ALDH4A1: variants seen among roughly 807,000 people sequenced by gnomAD.
ALDH4A1 encodes aldehyde dehydrogenase 4 family member A1, also known as delta-1-pyrroline-5-carboxylate dehydrogenase, mitochondrial.
In ALDH4A1, 46 loss-of-function variants were observed where a neutral mutation model predicts 70.5. That is an observed-to-expected ratio of 0.65 (90% confidence interval 0.51 to 0.83). ALDH4A1 has a LOEUF of 0.83. Among genes scored for constraint, ALDH4A1 ranks in the 40% least tolerant of loss-of-function variants. The pLI, the probability that ALDH4A1 is intolerant of heterozygous loss-of-function variation, is 0.00. For synonymous variants in ALDH4A1, 323 were observed against 324.3 expected, an observed-to-expected ratio of 1.00 and a Z score of 0.04; for missense variants, 749 against 766.5, an observed-to-expected ratio of 0.98 and a Z score of 0.27.
rs779536510 is a variant in ALDH4A1, at chr1:18,874,481, C to CA, written c.1560dup (p.Gly521TrpfsTer10). The CA allele has an allele frequency of 1.9e-5, 31 of 1,613,968 alleles. No homozygotes were observed. Among genetic ancestry groups the CA allele is most frequent in the Non-Finnish European group, 2.4e-5 (28 of 1,180,028 alleles). On this transcript the variant is annotated frameshift_variant, in exon 14 of 15. Coordinates refer to ENST00000375341, the MANE Select transcript of ALDH4A1 (RefSeq NM_003748.4). LOFTEE classifies it high-confidence loss of function. ...CACTCACCAGAGGCTCGGGCCCCCC[C>CA]AAAGGGCTGCTGGCCCACTATCGAG... is the stretch of plus-strand genomic sequence containing the variant.
At position 18,877,188 on chromosome 1, in the gene ALDH4A1, G is replaced by A. The variant is rs777725664; in HGVS notation, c.1185+20C>T. On this transcript the variant is annotated intron_variant, in intron 11 of 14. Coordinates refer to ENST00000375341, the MANE Select transcript of ALDH4A1 (RefSeq NM_003748.4). ...CCAGGGCTTGCCCCCACCCAGGAAC[G>A]CCCACTTCCCACCCCGTACCTTGGC... The A allele has an allele frequency of 1.7e-5, 28 of 1,605,206 alleles. No individual in the cohort carries two copies. The highest frequency in any genetic ancestry group is 1.6e-4 in the Middle Eastern group (1 of 6,080).
In ALDH4A1 at chr1:18,881,779, G is replaced by C. The variant is rs759943005; in HGVS notation, c.787C>G (p.Pro263Ala). Reference sequence around the variant, plus strand: ...TCCCCAAATAGGGGCCCATCAGCTGGCACAAACTGGATGATGTTGGGGGGC... The same window carrying C: ...TCCCCAAATAGGGGCCCATCAGCTGCCACAAACTGGATGATGTTGGGGGGC... ...GLPPNIIQFV[P>A]ADGPLFGDTV... Residue 263 changes from proline to alanine, a missense_variant, in exon 8 of 15, where the codon CCA (proline) becomes GCA (alanine). Pro to Ala is a conservative substitution (Grantham distance 27). Transcript: ENST00000375341. 6.2e-7 allele frequency: 1 copy of C among 1,614,040 alleles called. No individual in the cohort carries two copies. The highest frequency in any genetic ancestry group is 1.1e-5 in the South Asian group (1 of 91,080).
intron 1 of ALDH4A1, among the ~76,000 whole-genome samples, chr1:18,892,031 G>GA (rs368286664): frequency 0.062 from 8,882 of 143,552 alleles, 415 homozygotes; most frequent in African/African-American, 0.13. Context: ...CCATCTCAAG[G>GA]AAAAAAAAAA....
rs1205647008 is a variant in ALDH4A1, at chr1:18,883,310, C to G, written c.572G>C (p.Ser191Thr). The G allele has an allele frequency of 9.3e-6, 15 of 1,613,186 alleles. No individual in the cohort carries two copies. Among genetic ancestry groups the G allele is most frequent in the African/African-American group, 1.3e-5 (1 of 74,958 alleles). ...ACCCCGGTACACCGTGCTGTTGGTGCTCGGGGGCACGCTGATGGGCTGCTG... is the reference window on the plus strand; with the variant it reads ...ACCCCGGTACACCGTGCTGTTGGTGGTCGGGGGCACGCTGATGGGCTGCTG... ...EGQQPISVPP[S>T]TNSTVYRGLE... Residue 191 changes from serine to threonine, a missense_variant, in exon 6 of 15, where the codon AGC becomes ACC. By Grantham distance (58) the Ser-to-Thr change is moderately conservative (BLOSUM62 1). Coordinates refer to ENST00000375341, the MANE Select transcript of ALDH4A1 (RefSeq NM_003748.4).
At chr1:18,900,780 G>T (rs1935772579) in intron 1 of ALDH4A1, 2 of 870,098 alleles carry the variant, frequency 2.3e-6, no homozygotes, top group Non-Finnish European at 2.8e-6. Flanking sequence ...ATAATTCAGA[G>T]CATAAATCTG....
Position 18,885,456 on chromosome 1 carries a change from G to GCCC in ALDH4A1, c.453+14_453+16dup. Reference sequence around the variant, plus strand: ...ACCCCACCCCGCCCCACCCACCCGGGCCCACCAGCACCTCACCTGTCCCAC... The same window carrying GCCC: ...ACCCCACCCCGCCCCACCCACCCGGGCCCCCCACCAGCACCTCACCTGTCCCAC... On this transcript the variant is annotated intron_variant, in intron 5 of 14. Transcript: ENST00000375341. The GCCC allele has an allele frequency of 1.8e-6, 1 of 541,844 alleles. No individual in the cohort carries two copies. The highest frequency in any genetic ancestry group is 3.1e-6 in the Non-Finnish European group (1 of 324,000). The allele number at this position is 541,844 out of a possible 1,614,324, so 33.6% of individuals were successfully genotyped here. A position where few individuals can be genotyped will look rare whatever the true frequency, so the allele number is the denominator to read the frequency against.
At chr1:18,899,227 C>T (rs1235879137) in intron 1 of ALDH4A1, among the ~76,000 whole-genome samples, 1 of 152,216 alleles carries the variant, frequency 6.6e-6, no homozygotes. Context: ...CAAGCTGTGC[C>T]CATCCAAGGG....
intron 5 of ALDH4A1, chr1:18,885,241 A>G: frequency 1.7e-6 from 1 of 583,868 alleles, no homozygotes; most frequent in Non-Finnish European, 3.1e-6. Flanking sequence ...AGAGGGATGG[A>G]GGAGAGGGGA....
intron 1 of ALDH4A1, among the ~76,000 whole-genome samples, chr1:18,901,585 G>A (rs964323637): frequency 2.6e-5 from 4 of 152,198 alleles, no homozygotes; most frequent in Admixed American, 6.5e-5. Flanking sequence ...AAGGGTCCAG[G>A]CACCTGGCTC....
chr1:18,887,533 A>C (rs568215564), intron 3 of ALDH4A1, among the ~76,000 whole-genome samples: 18 of 152,240 alleles, frequency 1.2e-4, no homozygotes, highest in African/African-American at 4.1e-4. Flanking sequence ...TGGGAGGCGG[A>C]GCTTGCAGTG....
rs1934469303 is a variant in ALDH4A1 at position 18,872,207 on chromosome 1, G to C, written c.*638C>G. On this transcript the variant is annotated 3_prime_UTR_variant, in exon 15 of 15. Transcript: ENST00000375341. ...CAGCGGCCCCCCAACCCCGCCATGT[G>C]GTGCAGACCGGGAATCACACAGGCC... 1 of 152,604 alleles carries C rather than the reference G, an allele frequency of 6.6e-6. No homozygotes were observed. The highest frequency in any genetic ancestry group is 2.1e-4 in the South Asian group (1 of 4,832). 9.5% of individuals were successfully genotyped at this position (152,604 alleles called of 1,614,324 possible). A position where few individuals can be genotyped will look rare whatever the true frequency, so the allele number is the denominator to read the frequency against.
chr1:18,895,011 C>G (rs757485054), intron 1 of ALDH4A1, among the ~76,000 whole-genome samples: 1 of 152,178 alleles, frequency 6.6e-6, no homozygotes, highest in East Asian at 1.9e-4. Context: ...CTTGGCAGGA[C>G]AGCATTCCTC....
chr1:18,875,123 AT>A (rs1934617689), intron 13 of ALDH4A1, among the ~76,000 whole-genome samples: 1 of 152,160 alleles, frequency 6.6e-6, no homozygotes, highest in Non-Finnish European at 1.5e-5. Context: ...GAAGACACCA[AT>A]TCCTAGCCCT....
intron 1 of ALDH4A1, among the ~76,000 whole-genome samples, chr1:18,897,560 A>G (rs908169636): frequency 6.6e-6 from 1 of 152,160 alleles, no homozygotes; most frequent in South Asian, 2.1e-4. Flanking sequence ...CAAAAACCCA[A>G]AAAACGAAAC....
chr1:18,885,427 T>TGCCACCCCCCCCCCCCCCCCCCCCCC, intron 5 of ALDH4A1, 46 bp downstream of exon 5: 4 of 650,922 alleles, frequency 6.1e-6, no homozygotes, highest in East Asian at 3.2e-5. Flanking sequence ...CACACCTGAC[T>TGCCACCCCCCCCCCCCCCCCCCCCCC]CCCACCCCAC....
At position 18,872,952 on chromosome 1, in the gene ALDH4A1, TG is replaced by T; in HGVS notation, c.1584del (p.Asn529MetfsTer116). The T allele has an allele frequency of 1.2e-6, 2 of 1,613,854 alleles. No individual in the cohort carries two copies. Among genetic ancestry groups the T allele is most frequent in the Non-Finnish European group, 1.7e-6 (2 of 1,179,922 alleles). ...QPFGGARASG[T>X]NDKPGGPHYI... ...TAGTGTGGGCCCCCTGGCTTGTCAT[TG>T]GTTCCTGCGGAAAAGACACTTCTGT... On this transcript the variant is annotated frameshift_variant, in exon 15 of 15. Coordinates refer to ENST00000375341, the MANE Select transcript of ALDH4A1 (RefSeq NM_003748.4). LOFTEE classifies it high-confidence loss of function.
chr1:18,900,482 T>G (rs889263302), intron 1 of ALDH4A1, among the ~76,000 whole-genome samples: 2 of 152,238 alleles, frequency 1.3e-5, no homozygotes, highest in Non-Finnish European at 1.5e-5. Flanking sequence ...TCTGACAATG[T>G]CTGGGAACTT....
At chr1:18,895,891 A>G (rs2100608213) in intron 1 of ALDH4A1, among the ~76,000 whole-genome samples, 1 of 152,342 alleles carries the variant, frequency 6.6e-6, no homozygotes, top group Non-Finnish European at 1.5e-5. Flanking sequence ...TCTGATCATC[A>G]GAGAGATGGC....
chr1:18,878,064 CG>C (rs1162998448), intron 9 of ALDH4A1, among the ~76,000 whole-genome samples: 1 of 152,110 alleles, frequency 6.6e-6, no homozygotes, highest in Non-Finnish European at 1.5e-5. Flanking sequence ...CCTCCCCACG[CG>C]TGCTGGAAAC....
Sources: allele counts gnomAD v4.1 joint callset (sites outside exome capture counted in the v4.1 genomes callset), GRCh38; gene constraint gnomAD v4.1.1; transcripts MANE v1.5; gene names NCBI Gene and HGNC (gene_info 2026-07-23, HGNC 2026-07-21).